ABCC11: variants seen among roughly 807,000 people sequenced by gnomAD.
ABCC11 encodes the protein ATP binding cassette subfamily C member 11.
In ABCC11, 135 loss-of-function variants were observed where a neutral mutation model predicts 149.3. That is an observed-to-expected ratio of 0.90 (90% CI 0.79 to 1.04). ABCC11 has a LOEUF of 1.04. ABCC11 is among the 50% of genes least tolerant of loss of function. The pLI is 0.00. For synonymous variants in ABCC11, 665 were observed against 671.4 expected, an observed-to-expected ratio of 0.99 and a Z score of 0.15; for missense variants, 1,680 against 1,722.1, an observed-to-expected ratio of 0.98 and a Z score of 0.43.
intron 18 of ABCC11, among the ~76,000 whole-genome samples, chr16:48,194,185 C>T (rs995355477): frequency 6.6e-6 from 1 of 152,190 alleles, no homozygotes; most frequent in African/African-American, 2.4e-5. Context: ...ACTTCCAAAC[C>T]GTGTGACCTT....
intron 19 of ABCC11, 90 bp downstream of exon 19, chr16:48,193,789 G>T: frequency 9.3e-7 from 1 of 1,076,662 alleles, no homozygotes; most frequent in Non-Finnish European, 1.4e-6. Context: ...CCCAAGCCAT[G>T]CTCTGGCTCT....
At chr16:48,181,288 A>C (rs1351135730) in intron 23 of ABCC11, among the ~76,000 whole-genome samples, 2 of 152,180 alleles carry the variant, frequency 1.3e-5, no homozygotes, top group Non-Finnish European at 2.9e-5. Flanking sequence ...AGAGAATGTG[A>C]GCCTGTGCAC....
At chr16:48,212,890 G>A (rs1048646705) in intron 10 of ABCC11, among the ~76,000 whole-genome samples, 2 of 152,174 alleles carry the variant, frequency 1.3e-5, no homozygotes, top group African/African-American at 4.8e-5. Context: ...CCATTTTTAA[G>A]ATGATAAATG....
chr16:48,226,376 G>A (rs1459331803), intron 4 of ABCC11, among the ~76,000 whole-genome samples: 1 of 149,708 alleles, frequency 6.7e-6, no homozygotes, highest in Non-Finnish European at 1.5e-5. Context: ...CTGGGTTCAC[G>A]CCATTCTCCT....
chr16:48,211,988 C>G lies in ABCC11; in HGVS notation c.1357-789G>C, dbSNP rs1968967060. ...ATTTTGGACTCTCTTACCCATCCTTCTGAGCTCAGATTGTGGCTTCCTCAT... is the reference window on the plus strand; with the variant it reads ...ATTTTGGACTCTCTTACCCATCCTTGTGAGCTCAGATTGTGGCTTCCTCAT... On this transcript the variant is annotated intron_variant, in intron 10 of 29. Transcript: ENST00000356608. Among the ~76,000 whole-genome samples the G allele has an allele frequency of 2.0e-5, 3 of 152,188 alleles. No homozygotes were observed. In the South Asian group the frequency reaches 6.2e-4, roughly 31 times the overall value.
chr16:48,243,506 A>G (rs1399624994), intron 1 of ABCC11, among the ~76,000 whole-genome samples: 1 of 152,144 alleles, frequency 6.6e-6, no homozygotes, highest in Non-Finnish European at 1.5e-5. Flanking sequence ...AGGATCCTGG[A>G]TATTGGATCC....
chr16:48,202,919 G>C (rs1357915767), intron 14 of ABCC11, among the ~76,000 whole-genome samples: 1 of 152,214 alleles, frequency 6.6e-6, no homozygotes, highest in African/African-American at 2.4e-5. Flanking sequence ...ACCAGCCGGA[G>C]TGGGGCAAGG....
intron 6 of ABCC11, among the ~76,000 whole-genome samples, chr16:48,222,134 G>A (rs932423442): frequency 1.4e-5 from 2 of 146,306 alleles, no homozygotes; most frequent in Non-Finnish European, 3.0e-5. Flanking sequence ...TTGCCATGTT[G>A]CCCAGGCTAG....
intron 23 of ABCC11, among the ~76,000 whole-genome samples, chr16:48,178,947 T>C (rs1025607755): frequency 4.6e-5 from 7 of 152,114 alleles, no homozygotes; most frequent in African/African-American, 1.7e-4. Context: ...GTCTTTCTGC[T>C]CAAGACCTCT....
intron 23 of ABCC11, 21 bp from the exon 24 acceptor site, chr16:48,178,707 C>T (rs370147051): frequency 1.0e-4 from 165 of 1,612,020 alleles, no homozygotes; most frequent in Admixed American, 8.2e-4. Context: ...GGAGAAGTAT[C>T]GGGGGTCAAG....
chr16:48,177,133 A>G lies in ABCC11; in HGVS notation c.3349-20T>C. ...ACACATCTTGTTTTTGAAGAAAGAA[A>G]AAGAAATCAATAGTTATCATCTATC... On this transcript the variant is annotated intron_variant, in intron 24 of 29. Coordinates refer to ENST00000356608, the MANE Select transcript of ABCC11 (RefSeq NM_001370497.1). 1 of 1,607,992 alleles carries G rather than the reference A, an allele frequency of 6.2e-7. No homozygotes were observed. The highest frequency in any genetic ancestry group is 8.5e-7 in the Non-Finnish European group (1 of 1,176,564).
intron 27 of ABCC11, among the ~76,000 whole-genome samples, 189 bp downstream of exon 27, chr16:48,170,700 G>A (rs1447691866): frequency 1.3e-5 from 2 of 152,152 alleles, no homozygotes; most frequent in African/African-American, 4.8e-5. Flanking sequence ...ACAGTGTCTG[G>A]CACACGGTTG....
chr16:48,196,253 G>T lies in ABCC11; in HGVS notation c.2383C>A (p.His795Asn). 6.2e-7 allele frequency: 1 copy of T among 1,614,154 alleles called. No individual in the cohort carries two copies. Among genetic ancestry groups the T allele is most frequent in the Non-Finnish European group, 8.5e-7 (1 of 1,180,020 alleles). ...EGSLSWRVYH[H>N]YIQAAGGYMV... ...GTACCTCCAGCTGCCTGGATGTAGT[G>T]GTGGTAGACCCTCCAACTCAAGGAG... Residue 795 changes from histidine (H) to asparagine (N), a missense_variant, in exon 18 of 30, where the codon CAC becomes AAC. His to Asn is a moderately conservative substitution (Grantham distance 68). Transcript: ENST00000356608.
chr16:48,191,165 A>G (rs1364185489), intron 20 of ABCC11, among the ~76,000 whole-genome samples: 1 of 152,232 alleles, frequency 6.6e-6, no homozygotes, highest in Admixed American at 6.5e-5. Flanking sequence ...ATATTCATTA[A>G]TAATAGTAAT....
chr16:48,193,959 A>G lies in ABCC11; in HGVS notation c.2428T>C (p.Phe810Leu). The G allele has an allele frequency of 6.2e-7, 1 of 1,613,548 alleles. No individual in the cohort carries two copies. Reference protein sequence around the residue: ...AGGYMVSCIIFFFVVLIVFLT... With the variant: ...AGGYMVSCIILFFVVLIVFLT... Reference sequence around the variant, plus strand: ...AAGACGATCAGCACCACGAAGAAGAAAATTATGCAAGAGACCATGTAACCT... The same window carrying G: ...AAGACGATCAGCACCACGAAGAAGAGAATTATGCAAGAGACCATGTAACCT... Residue 810 changes from phenylalanine to leucine, a missense_variant, in exon 19 of 30, where the codon TTC (phenylalanine) becomes CTC (leucine). By Grantham distance (22) the Phe-to-Leu change is conservative (BLOSUM62 0). Coordinates refer to ENST00000356608, the MANE Select transcript of ABCC11 (RefSeq NM_001370497.1).
chr16:48,247,216 T>C (rs1187183441), intron 1 of ABCC11, 98 bp downstream of exon 1: 1 of 146,892 alleles, frequency 6.8e-6, no homozygotes, highest in Non-Finnish European at 1.5e-5. Context: ...AACACTCTAC[T>C]TAAAAAAAAA....
chr16:48,189,263 G>A (rs953906710), intron 20 of ABCC11, among the ~76,000 whole-genome samples: 3 of 152,236 alleles, frequency 2.0e-5, no homozygotes, highest in Non-Finnish European at 4.4e-5. Flanking sequence ...AGGGGACACA[G>A]GAGTGGACGT....
chr16:48,225,506 TC>T (rs1473776054), intron 4 of ABCC11, among the ~76,000 whole-genome samples: 1 of 152,212 alleles, frequency 6.6e-6, no homozygotes, highest in Non-Finnish European at 1.5e-5. Context: ...TGATTGCATC[TC>T]CATGGTGTTG....
rs140866427 is a variant in ABCC11, at chr16:48,198,059, C to T, written c.2226G>A (p.Leu742=). Residue 742 remains leucine, a synonymous_variant, in exon 17 of 30, where the codon TTG becomes TTA. Transcript: ENST00000356608. ...TCTCTGCTATCTTTGCTGTGTCCTG[C>T]AACATGTCCTGGGGAGAGAGCACAG... ...KMHKEATSDM[L]QDTAKIAEKP... is the part of the protein sequence containing the mutation. The T allele has an allele frequency of 2.8e-5, 45 of 1,614,226 alleles. No homozygotes were observed. In the East Asian group the frequency reaches 9.8e-4, roughly 35 times the overall value.
Sources: allele counts gnomAD v4.1 joint callset (sites outside exome capture counted in the v4.1 genomes callset), GRCh38; gene constraint gnomAD v4.1.1; transcripts MANE v1.5; gene names NCBI Gene and HGNC (gene_info 2026-07-23, HGNC 2026-07-21).